The following UGT1A5 variants were observed in gnomAD, a reference collection of about 807,000 sequenced individuals.
UGT1A5 encodes UDP-glucuronosyltransferase 1A5.
UGT1A5 carries 29 observed loss-of-function variants against 40.3 expected under a neutral mutation model. The observed-to-expected ratio is 0.72, with a 90% CI of 0.54 to 0.98. The LOEUF (loss-of-function observed/expected upper bound fraction) is 0.98. UGT1A5 is among the 50% of genes least tolerant of loss of function. The pLI, the probability that UGT1A5 is intolerant of heterozygous loss-of-function variation, is 0.00. For missense variants in UGT1A5, 678 were observed against 677.9 expected, an observed-to-expected ratio of 1.00 and a Z score of 0.00; for synonymous variants, 257 against 262.5, an observed-to-expected ratio of 0.98 and a Z score of 0.20.
At chr2:233,745,794 G>T (rs1343106553) in intron 1 of UGT1A5, among the ~76,000 whole-genome samples, 1 of 150,980 alleles carries the variant, frequency 6.6e-6, no homozygotes, top group Non-Finnish European at 1.5e-5. Context: ...GGGGGCTGGG[G>T]TCTATCCCAG....
intron 1 of UGT1A5, among the ~76,000 whole-genome samples, chr2:233,748,871 G>A (rs1439013136): frequency 2.0e-5 from 3 of 151,510 alleles, no homozygotes; most frequent in Admixed American, 6.6e-5. Flanking sequence ...AGCTGGGGAC[G>A]GTGATGAATG....
At chr2:233,751,309 A>G (rs1694697613) in intron 1 of UGT1A5, among the ~76,000 whole-genome samples, 1 of 151,862 alleles carries the variant, frequency 6.6e-6, no homozygotes, top group African/African-American at 2.4e-5. Context: ...ATATTTACCC[A>G]ATTTCTGTAC....
At chr2:233,718,738 T>A (rs1216581751) in intron 1 of UGT1A5, 13 of 1,611,734 alleles carry the variant, frequency 8.1e-6, no homozygotes, top group Admixed American at 1.7e-5. Context: ...GGTGGCTCAA[T>A]GACAAGGTAA....
chr2:233,743,232 T>C, intron 1 of UGT1A5: 1 of 418,014 alleles, frequency 2.4e-6, no homozygotes, highest in Non-Finnish European at 4.7e-6. Context: ...CTATTTATTA[T>C]GAAGGACTTT....
At chr2:233,757,562 G>GTATATATATATA (rs1491042837) in intron 1 of UGT1A5, among the ~76,000 whole-genome samples, 1 of 90,870 alleles carries the variant, frequency 1.1e-5, no homozygotes, top group Non-Finnish European at 2.1e-5. Flanking sequence ...ATATATATAT[G>GTATATATATATA]TATATATGAT....
chr2:233,755,243 TC>T (rs1695828165), intron 1 of UGT1A5: 10 of 851,914 alleles, frequency 1.2e-5, no homozygotes. Flanking sequence ...ACCGGGGTAC[TC>T]CCAGCACCTC....
intron 1 of UGT1A5, among the ~76,000 whole-genome samples, chr2:233,748,713 G>T: frequency 6.6e-6 from 1 of 151,600 alleles, no homozygotes; most frequent in East Asian, 1.9e-4. Flanking sequence ...TTTGGGGTCT[G>T]GTGCATGATG....
rs377063392 is a variant in UGT1A5, at chr2:233,724,823, G to A, written c.867+10965G>A. Among the ~76,000 whole-genome samples, 2 of 135,304 alleles carry A rather than the reference G, an allele frequency of 1.5e-5. 1 individual carries two copies. Among genetic ancestry groups the A allele is most frequent in the Non-Finnish European group, 3.1e-5 (2 of 64,184 alleles). 88.8% of individuals were successfully genotyped at this position (135,304 alleles called of 152,430 possible). A position where few individuals can be genotyped will look rare whatever the true frequency, so the allele number is the denominator to read the frequency against. On this transcript the variant is annotated intron_variant, in intron 1 of 4. Transcript: ENST00000373414. ...GCGGCCGGGCAGAGGCTGCAATCTC[G>A]GCACTTTGGGAGGCCAAGGCAGGCG...
intron 4 of UGT1A5, chr2:233,770,180 T>C (rs1257391797): frequency 6.6e-6 from 1 of 152,250 alleles, no homozygotes; most frequent in Non-Finnish European, 1.5e-5. Context: ...CTCAACTTAT[T>C]AACTAACTTT....
chr2:233,724,334 G>C (rs2077226090), intron 1 of UGT1A5, among the ~76,000 whole-genome samples: 2 of 148,198 alleles, frequency 1.3e-5, no homozygotes, highest in African/African-American at 5.0e-5. Context: ...GCCAGGCGGG[G>C]GGCTGACCCC....
rs773495849 is a variant in UGT1A5 at position 233,713,168 on chromosome 2, G to T, written c.177G>T (p.Val59=). ...RDLHARGHQV[V]VLTLEVNMYI... Reference sequence around the variant, plus strand: ...TCCATGCGAGAGGCCACCAGGTGGTGGTCCTCACCCTGGAGGTGAATATGT... The same window carrying T: ...TCCATGCGAGAGGCCACCAGGTGGTTGTCCTCACCCTGGAGGTGAATATGT... Residue 59 remains valine, a synonymous_variant, in exon 1 of 5, where the codon GTG becomes GTT. Coordinates refer to ENST00000373414, the MANE Select transcript of UGT1A5 (RefSeq NM_019078.2). The T allele has an allele frequency of 6.2e-7, 1 of 1,614,094 alleles. No homozygotes were observed. Among genetic ancestry groups the T allele is most frequent in the Non-Finnish European group, 8.5e-7 (1 of 1,180,036 alleles).
Position 233,772,333 on chromosome 2 carries a change from T to C in UGT1A5, c.1379T>C (p.Val460Ala). The part of the protein sequence containing the change: ...DRPVEPLDLA[V>A]FWVEFVMRHK... Reference sequence around the variant, plus strand: ...CCGGTGGAGCCGCTGGACCTGGCCGTGTTCTGGGTGGAGTTTGTGATGAGG... The same window carrying C: ...CCGGTGGAGCCGCTGGACCTGGCCGCGTTCTGGGTGGAGTTTGTGATGAGG... The change falls in exon 5 of 5, where the codon GTG becomes GCG. Residue 460 changes from valine (V) to alanine (A), a missense_variant. Physicochemically the swap from Val to Ala is moderately conservative, Grantham distance 64 (BLOSUM62 0). Coordinates refer to ENST00000373414, the MANE Select transcript of UGT1A5 (RefSeq NM_019078.2). 6.2e-7 allele frequency: 1 copy of C among 1,614,126 alleles called. No individual in the cohort carries two copies. Among genetic ancestry groups the C allele is most frequent in the Non-Finnish European group, 8.5e-7 (1 of 1,180,008 alleles).
rs562389152 is a variant in UGT1A5 at position 233,767,124 on chromosome 2, G to C, written c.958G>C (p.Ala320Pro). The C allele has an allele frequency of 6.2e-7, 1 of 1,614,112 alleles. No individual in the cohort carries two copies. The highest frequency in any genetic ancestry group is 2.2e-5 in the East Asian group (1 of 44,864). Residue 320 changes from alanine (A) to proline (P), a missense_variant, in exon 2 of 5, where the codon GCT (alanine) becomes CCT (proline). Transcript: ENST00000373414. ...GGTCTCAGAAATTCCAGAGAAGAAA[G>C]CTATGGCAATTGCTGATGCTTTGGG... ...SMVSEIPEKK[A>P]MAIADALGKI...
chr2:233,716,731 A>G (rs28898604), intron 1 of UGT1A5, among the ~76,000 whole-genome samples: 1,732 of 152,296 alleles, frequency 0.011, 26 homozygotes, highest in African/African-American at 0.04. Context: ...TTATATGTTT[A>G]GCTCTGTGAG....
At chr2:233,731,532 G>A (rs1386251909) in intron 1 of UGT1A5, among the ~76,000 whole-genome samples, 1 of 152,172 alleles carries the variant, frequency 6.6e-6, no homozygotes, top group Non-Finnish European at 1.5e-5. Context: ...AGAACATGCG[G>A]TGTTTGGTTT....
rs1321809873 is a variant in UGT1A5 at position 233,772,307 on chromosome 2, C to T, written c.1353C>T (p.Arg451=). The change falls in exon 5 of 5, where the codon CGC becomes CGT. Residue 451 remains arginine (R), a synonymous_variant. Coordinates refer to ENST00000373414, the MANE Select transcript of UGT1A5 (RefSeq NM_019078.2). The stretch of plus-strand genomic sequence containing the variant: ...GCCTCTCCAGCCTTCACAAGGACCG[C>T]CCGGTGGAGCCGCTGGACCTGGCCG... ...IMRLSSLHKD[R]PVEPLDLAVF... 1 of 1,614,232 alleles carries T rather than the reference C, an allele frequency of 6.2e-7. No individual in the cohort carries two copies. The highest frequency in any genetic ancestry group is 8.5e-7 in the Non-Finnish European group (1 of 1,180,050).
chr2:233,714,065 G>C (rs1559360185), intron 1 of UGT1A5, among the ~76,000 whole-genome samples: 1 of 152,156 alleles, frequency 6.6e-6, no homozygotes, highest in Non-Finnish European at 1.5e-5. Context: ...AGAGGAAGGA[G>C]AGGCAGGGAC....
At chr2:233,765,641 G>C (rs914163891) in intron 1 of UGT1A5, among the ~76,000 whole-genome samples, 18 of 151,492 alleles carry the variant, frequency 1.2e-4, no homozygotes, top group Admixed American at 9.9e-4. Flanking sequence ...TTAGAGGATA[G>C]GTCAATAGGT....
Position 233,769,603 on chromosome 2 carries a change from G to A in UGT1A5, c.1307+1164G>A. The stretch of plus-strand genomic sequence containing the variant: ...CAGATGAGAGGAGACGGAACACGGG[G>A]ACACACCAGCTTGAGCAAGGGACAA... On this transcript the variant is annotated intron_variant, in intron 4 of 4. Coordinates refer to ENST00000373414, the MANE Select transcript of UGT1A5 (RefSeq NM_019078.2). This position sits in a 1 kb window ranked among gnomAD's most constrained non-coding sequence, Gnocchi z 4.4. The A allele has an allele frequency of 6.2e-7, 1 of 1,612,818 alleles. No homozygotes were observed. The highest frequency in any genetic ancestry group is 8.5e-7 in the Non-Finnish European group (1 of 1,179,870).
Sources: gnomAD v4.1 joint callset for allele counts (sites outside exome capture counted in the v4.1 genomes callset) on GRCh38, gnomAD v4.1.1 for gene constraint, Gnocchi (gnomAD v3.1) non-coding constraint, MANE v1.5 for transcripts, NCBI Gene and HGNC (gene_info 2026-07-23, HGNC 2026-07-21) for gene names.